The following PTPRD variants were observed in gnomAD, a reference collection of about 807,000 sequenced individuals.
PTPRD encodes protein tyrosine phosphatase receptor type D.
A neutral mutation model predicts 214.5 loss-of-function variants in PTPRD; 34 were observed. The observed-to-expected ratio is 0.16, with a 90% confidence interval of 0.12 to 0.21. The LOEUF (loss-of-function observed/expected upper bound fraction) is 0.21, where lower values mean the gene tolerates loss of function less well. Ranked by LOEUF, PTPRD falls within the 10% of genes least tolerant of loss-of-function variation. The pLI is 1.00. For missense variants in PTPRD, 2,545 were observed against 2,398.7 expected (o/e 1.06, Z -1.27); for synonymous variants, 1,128 against 845.7 (o/e 1.33, Z -5.79).
intron 2 of PTPRD, among the ~76,000 whole-genome samples, chr9:10,595,750 C>A (rs187517377): frequency 6.6e-6 from 1 of 151,754 alleles, no homozygotes; most frequent in Non-Finnish European, 1.5e-5. Context: ...TTAAAATAAT[C>A]TTTCTGTAAG....
At chr9:9,846,438 A>C (rs953878546) in intron 5 of PTPRD, among the ~76,000 whole-genome samples, 2 of 152,192 alleles carry the variant, frequency 1.3e-5, no homozygotes, top group African/African-American at 4.8e-5. Flanking sequence ...TAGAGAAATT[A>C]AGCCCTTAAA....
chr9:10,010,417 AAATTT>A (rs140527973), intron 4 of PTPRD, among the ~76,000 whole-genome samples: 71,913 of 150,224 alleles, frequency 0.48, 20,581 homozygotes, highest in Middle Eastern at 0.66. Context: ...TTTAAATTTA[AAATTT>A]AATTTAATTT....
At chr9:9,997,803 A>T (rs1052331328) in intron 4 of PTPRD, among the ~76,000 whole-genome samples, 1 of 151,594 alleles carries the variant, frequency 6.6e-6, no homozygotes, top group Non-Finnish European at 1.5e-5. Flanking sequence ...CCAACATGGC[A>T]ATTCCCACCC....
At chr9:9,468,111 A>G (rs998779830) in intron 8 of PTPRD, among the ~76,000 whole-genome samples, 24 of 152,048 alleles carry the variant, frequency 1.6e-4, no homozygotes, top group Non-Finnish European at 3.5e-4. Flanking sequence ...TACTAGACCT[A>G]CTGTTAGTTT....
chr9:9,489,854 C>G (rs1032544847), intron 8 of PTPRD, among the ~76,000 whole-genome samples: 1 of 151,924 alleles, frequency 6.6e-6, no homozygotes, highest in Admixed American at 6.6e-5. Context: ...GAAATAGAGT[C>G]TAAAATGTTT....
intron 9 of PTPRD, among the ~76,000 whole-genome samples, chr9:9,193,542 C>T (rs947783380): frequency 6.6e-6 from 1 of 152,146 alleles, no homozygotes; most frequent in Non-Finnish European, 1.5e-5. Context: ...ACCTAGGCTA[C>T]ATGGTATAGC....
At chr9:10,450,964 C>G (rs1210400987) in intron 2 of PTPRD, among the ~76,000 whole-genome samples, 1 of 151,810 alleles carries the variant, frequency 6.6e-6, no homozygotes, top group Non-Finnish European at 1.5e-5. Flanking sequence ...AAGTCAAAAC[C>G]CATATTGCTA....
chr9:9,588,787 A>C (rs766338263), intron 7 of PTPRD, among the ~76,000 whole-genome samples: 1 of 151,980 alleles, frequency 6.6e-6, no homozygotes, highest in Admixed American at 6.6e-5. Context: ...TTTACTCATC[A>C]ATGTCATCAT....
intron 9 of PTPRD, among the ~76,000 whole-genome samples, chr9:9,264,026 G>T (rs1019745115): frequency 6.6e-6 from 1 of 151,630 alleles, no homozygotes; most frequent in Non-Finnish European, 1.5e-5. Flanking sequence ...AGTTTGTTTG[G>T]TGAAGGTATT....
At chr9:8,771,846 A>T (rs1414014279) in intron 11 of PTPRD, among the ~76,000 whole-genome samples, 1 of 152,078 alleles carries the variant, frequency 6.6e-6, no homozygotes, top group Non-Finnish European at 1.5e-5. Context: ...TTCAGCCATC[A>T]GTCATTTACT....
At chr9:8,549,485 G>T (rs908008909) in intron 14 of PTPRD, among the ~76,000 whole-genome samples, 1 of 152,112 alleles carries the variant, frequency 6.6e-6, no homozygotes, top group African/African-American at 2.4e-5. Flanking sequence ...GGAAACAGGG[G>T]TTTTGCAATG....
chr9:8,714,090 G>T (rs2098403016), intron 12 of PTPRD, among the ~76,000 whole-genome samples: 1 of 152,148 alleles, frequency 6.6e-6, no homozygotes, highest in African/African-American at 2.4e-5. Context: ...CCTAATTAAA[G>T]CCTAAGGTGG....
intron 8 of PTPRD, among the ~76,000 whole-genome samples, chr9:9,521,912 C>G (rs564331287): frequency 1.6e-4 from 25 of 152,158 alleles, no homozygotes; most frequent in African/African-American, 5.5e-4. Context: ...AATCCTGGCA[C>G]TTTGGGAGGC....
chr9:10,183,109 G>A (rs558224472), intron 3 of PTPRD, among the ~76,000 whole-genome samples: 1 of 152,152 alleles, frequency 6.6e-6, no homozygotes, highest in Admixed American at 6.5e-5. Flanking sequence ...TTTTAACTAC[G>A]ACAACTTCTT....
intron 5 of PTPRD, among the ~76,000 whole-genome samples, chr9:9,786,565 C>T (rs942302705): frequency 7.9e-5 from 12 of 152,148 alleles, no homozygotes; most frequent in African/African-American, 2.7e-4. Flanking sequence ...AGTGGACATT[C>T]CCTTGCTGGT....
intron 9 of PTPRD, among the ~76,000 whole-genome samples, chr9:9,235,139 G>A (rs994543686): frequency 5.3e-5 from 8 of 152,184 alleles, no homozygotes; most frequent in East Asian, 1.9e-4. Context: ...TCAGGGTGGC[G>A]GGAGACAGAA....
At chr9:9,779,482 A>T (rs887298645) in intron 5 of PTPRD, among the ~76,000 whole-genome samples, 2 of 152,210 alleles carry the variant, frequency 1.3e-5, no homozygotes, top group Non-Finnish European at 2.9e-5. Context: ...TCCGGAATGT[A>T]TAAGAAACTT....
chr9:8,480,195 G>A (rs551435275), intron 30 of PTPRD, among the ~76,000 whole-genome samples: 2 of 152,200 alleles, frequency 1.3e-5, no homozygotes, highest in East Asian at 3.9e-4. Context: ...AGTACAACGT[G>A]GCCAAACAAC....
chr9:8,380,239 C>T (rs2084586134), intron 37 of PTPRD, among the ~76,000 whole-genome samples: 1 of 152,122 alleles, frequency 6.6e-6, no homozygotes, highest in Non-Finnish European at 1.5e-5. Flanking sequence ...AAGACCCAGT[C>T]CCTGCCCTCA....
Sources: gnomAD v4.1 joint callset for allele counts (sites outside exome capture counted in the v4.1 genomes callset) on GRCh38, gnomAD v4.1.1 for gene constraint, MANE v1.5 for transcripts, NCBI Gene and HGNC (gene_info 2026-07-23, HGNC 2026-07-21) for gene names.